SLC22A15: variants seen among roughly 807,000 people sequenced by gnomAD.
SLC22A15 encodes the protein flipt 1.
Under a neutral mutation model 62.7 loss-of-function variants are expected in SLC22A15, and 45 were observed. The observed-to-expected ratio is 0.72, with a 90% CI of 0.56 to 0.92. The LOEUF (loss-of-function observed/expected upper bound fraction) is 0.92. SLC22A15 is among the 40% of genes least tolerant of loss of function. The probability of loss-of-function intolerance (pLI) is 0.00; values close to 1 mark genes in which losing one functional copy is unlikely to be tolerated. For synonymous variants in SLC22A15, 264 were observed against 267.0 expected (o/e 0.99, Z 0.11); for missense variants, 622 against 665.6 (o/e 0.93, Z 0.72).
At chr1:116,031,743 T>A (rs933246095) in intron 6 of SLC22A15, 162 bp downstream of exon 6, 24 of 1,439,290 alleles carry the variant, frequency 1.7e-5, no homozygotes, top group Non-Finnish European at 2.2e-5. Context: ...CCTGGTTTTC[T>A]GCTTGCGCAG....
intron 1 of SLC22A15, 45 bp downstream of exon 1, chr1:115,976,759 G>T (rs1352891689): frequency 8.2e-6 from 12 of 1,456,868 alleles, no homozygotes; most frequent in African/African-American, 1.5e-5. Flanking sequence ...CTTCAGGGCC[G>T]CCCGGCGCAG....
Position 115,992,234 on chromosome 1 carries a change from C to T in SLC22A15, c.291C>T (p.Ile97=), listed in dbSNP as rs758514899. 1.5e-5 allele frequency: 23 copies of T among 1,579,408 alleles called. No individual in the cohort carries two copies. The highest frequency in any genetic ancestry group is 1.2e-4 in the East Asian group (5 of 43,078). ...ATTTCAGCAGCAGCTTCACCTCCATCGCCTCGGAGGTAACAACAGGCTGTT... is the reference window on the plus strand; with the variant it reads ...ATTTCAGCAGCAGCTTCACCTCCATTGCCTCGGAGGTAACAACAGGCTGTT... The part of the protein sequence containing the change: ...HVHFSSSFTS[I]ASEWFLIANR... Residue 97 remains isoleucine (I), a synonymous_variant, in exon 2 of 12, where the codon ATC becomes ATT. Transcript: ENST00000369503.
intron 2 of SLC22A15, among the ~76,000 whole-genome samples, chr1:115,999,724 G>A (rs562597898): frequency 9.2e-5 from 14 of 151,934 alleles, no homozygotes; most frequent in Non-Finnish European, 1.9e-4. Flanking sequence ...GGCTGGTCTT[G>A]AACTCTTGAG....
intron 8 of SLC22A15, among the ~76,000 whole-genome samples, chr1:116,055,843 C>A (rs1464682567): frequency 1.4e-5 from 2 of 146,476 alleles, no homozygotes; most frequent in African/African-American, 5.1e-5. Context: ...AGGCCTTTGA[C>A]AAAATTCAAC....
At chr1:116,063,019 G>A (rs1299011223) in intron 9 of SLC22A15, 137 bp downstream of exon 9, 1 of 1,143,554 alleles carries the variant, frequency 8.7e-7, no homozygotes, top group Admixed American at 2.0e-5. Flanking sequence ...AGCAGTTTAG[G>A]GTGAGAGCTT....
chr1:115,981,431 T>A (rs1182221275), intron 1 of SLC22A15, among the ~76,000 whole-genome samples: 3 of 152,286 alleles, frequency 2.0e-5, no homozygotes, highest in East Asian at 3.9e-4. Context: ...AGGTTGGGTC[T>A]CCTGAGGGTT....
At chr1:116,020,657 A>ATT in intron 3 of SLC22A15, 64 bp from the exon 4 acceptor site, 1 of 1,309,798 alleles carries the variant, frequency 7.6e-7, no homozygotes, top group Non-Finnish European at 1.1e-6. Context: ...AATGAATATA[A>ATT]TTTATTACTT....
At chr1:116,035,927 A>C (rs1657617766) in intron 7 of SLC22A15, among the ~76,000 whole-genome samples, 1 of 152,204 alleles carries the variant, frequency 6.6e-6, no homozygotes, top group Non-Finnish European at 1.5e-5. Context: ...GGCCACTTAA[A>C]AATCCCATTC....
intron 2 of SLC22A15, among the ~76,000 whole-genome samples, chr1:116,016,572 C>T (rs551490527): frequency 6.6e-6 from 1 of 152,314 alleles, no homozygotes; most frequent in South Asian, 2.1e-4. Context: ...ATGAGCTTGA[C>T]TCCCAGCCAA....
chr1:116,010,345 T>C (rs115743626), intron 2 of SLC22A15, among the ~76,000 whole-genome samples: 3,656 of 152,314 alleles, frequency 0.024, 147 homozygotes, highest in African/African-American at 0.084. Context: ...AGCCATACCC[T>C]GGGGTCAAAA....
At chr1:115,980,871 G>A (rs572126443) in intron 1 of SLC22A15, among the ~76,000 whole-genome samples, 1 of 152,164 alleles carries the variant, frequency 6.6e-6, no homozygotes, top group South Asian at 2.1e-4. Flanking sequence ...AAGGGAAGAA[G>A]ATATGCATAT....
chr1:116,017,284 T>C (rs1374133827), intron 2 of SLC22A15, among the ~76,000 whole-genome samples: 1 of 149,634 alleles, frequency 6.7e-6, no homozygotes, highest in Non-Finnish European at 1.5e-5. Flanking sequence ...GGCAAGAAGA[T>C]TGTTTGAGGC....
At chr1:115,998,719 T>G (rs536358239) in intron 2 of SLC22A15, among the ~76,000 whole-genome samples, 22 of 152,226 alleles carry the variant, frequency 1.4e-4, no homozygotes, top group African/African-American at 4.8e-4. Flanking sequence ...GTTTTATCTT[T>G]TCAAAAAAAC....
chr1:116,062,001 G>A (rs1658392923), intron 8 of SLC22A15, among the ~76,000 whole-genome samples: 1 of 152,134 alleles, frequency 6.6e-6, no homozygotes, highest in Non-Finnish European at 1.5e-5. Context: ...CTGAGGTCAG[G>A]AGGTCAAGAC....
chr1:116,036,191 A>G lies in SLC22A15; in HGVS notation c.1085+864A>G, dbSNP rs560790040. On this transcript the variant is annotated intron_variant, in intron 7 of 11. Transcript: ENST00000369503. ...CTCATCATGATCCAAGAGCTGGATC[A>G]GGTATTGTATTCAGAAATCTTTCCC... Among the ~76,000 whole-genome samples, 248 of 152,296 alleles carry G rather than the reference A, an allele frequency of 1.6e-3. 1 individual carries two copies. Among genetic ancestry groups the G allele is most frequent in the African/African-American group, 5.7e-3 (237 of 41,580 alleles).
At chr1:115,980,348 A>T (rs1029383397) in intron 1 of SLC22A15, among the ~76,000 whole-genome samples, 10 of 152,168 alleles carry the variant, frequency 6.6e-5, no homozygotes, top group African/African-American at 2.2e-4. Flanking sequence ...CACATCCCAC[A>T]TTGTCCCTTG....
intron 8 of SLC22A15, among the ~76,000 whole-genome samples, chr1:116,040,698 C>G (rs1418669907): frequency 1.3e-5 from 2 of 152,164 alleles, no homozygotes; most frequent in Non-Finnish European, 2.9e-5. Flanking sequence ...CTCACTGCAG[C>G]CTTGACCTCT....
intron 8 of SLC22A15, among the ~76,000 whole-genome samples, chr1:116,047,426 C>CA (rs1570766249): frequency 6.6e-6 from 1 of 152,154 alleles, no homozygotes; most frequent in Non-Finnish European, 1.5e-5. Flanking sequence ...GACTCCGTCT[C>CA]AAAAAACAAA....
intron 1 of SLC22A15, among the ~76,000 whole-genome samples, chr1:115,982,252 C>G (rs1256143399): frequency 6.6e-6 from 1 of 152,140 alleles, no homozygotes; most frequent in African/African-American, 2.4e-5. Flanking sequence ...CATGGGACAT[C>G]ATATAGTACT....
Sources: allele counts gnomAD v4.1 joint callset (sites outside exome capture counted in the v4.1 genomes callset), GRCh38; gene constraint gnomAD v4.1.1; transcripts MANE v1.5; gene names NCBI Gene and HGNC (gene_info 2026-07-23, HGNC 2026-07-21).